RABGEF1: variants seen among roughly 807,000 people sequenced by gnomAD.
RABGEF1 encodes the protein RAB guanine nucleotide exchange factor 1.
RABGEF1 carries 26 observed loss-of-function variants against 57.3 expected under a neutral mutation model. The ratio of observed to expected loss-of-function variants is 0.45; its 90% confidence interval spans 0.33 to 0.63. RABGEF1 has a LOEUF of 0.63. Ranked by LOEUF, RABGEF1 falls within the 20% of genes least tolerant of loss-of-function variation. The probability of loss-of-function intolerance (pLI) is 0.02; values close to 1 mark genes in which losing one functional copy is unlikely to be tolerated. For missense variants in RABGEF1, 464 were observed against 607.6 expected (o/e 0.76, Z 2.48); for synonymous variants, 185 against 210.7 (o/e 0.88, Z 1.06).
intron 2 of RABGEF1, among the ~76,000 whole-genome samples, chr7:66,723,254 C>A (rs1462671758): frequency 6.6e-6 from 1 of 152,122 alleles, no homozygotes; most frequent in Non-Finnish European, 1.5e-5. Context: ...CAGGCATGAG[C>A]CACCACACTG....
At chr7:66,695,938 C>T (rs1584721196) in intron 1 of RABGEF1, among the ~76,000 whole-genome samples, 1 of 149,862 alleles carries the variant, frequency 6.7e-6, no homozygotes, top group African/African-American at 2.5e-5. Flanking sequence ...CGTACTTCAG[C>T]GTGGGTAACA....
At chr7:66,694,348 A>G (rs1791999046) in intron 1 of RABGEF1, among the ~76,000 whole-genome samples, 1 of 152,236 alleles carries the variant, frequency 6.6e-6, no homozygotes, top group African/African-American at 2.4e-5. Context: ...AAGGTTCATT[A>G]CAGGCAGCAG....
At chr7:66,797,013 C>T in intron 5 of RABGEF1, 1 of 374,928 alleles carries the variant, frequency 2.7e-6, no homozygotes, top group Non-Finnish European at 5.1e-6. Context: ...TGAAAATATA[C>T]TCTTGGCCGG....
At chr7:66,733,874 A>T (rs1797628756) in intron 2 of RABGEF1, among the ~76,000 whole-genome samples, 1 of 151,870 alleles carries the variant, frequency 6.6e-6, no homozygotes, top group African/African-American at 2.4e-5. Flanking sequence ...GTGTGGTGGC[A>T]CACCCTTGTA....
intron 2 of RABGEF1, among the ~76,000 whole-genome samples, chr7:66,716,813 C>G (rs1464120590): frequency 6.6e-6 from 1 of 152,164 alleles, no homozygotes; most frequent in Non-Finnish European, 1.5e-5. Context: ...AGGTCTTGCT[C>G]TGTTGCCCGG....
rs760581515 is a variant in RABGEF1 at position 66,775,216 on chromosome 7, T to G, written c.180-11T>G. On this transcript the variant is annotated splice_polypyrimidine_tract_variant and intron_variant, in intron 2 of 8. Coordinates refer to ENST00000284957, the MANE Select transcript of RABGEF1 (RefSeq NM_014504.3). The stretch of plus-strand genomic sequence containing the variant: ...ATATCTAGGTCATTCTAATCCTCTC[T>G]TGAATTGCAGACTCCAGCGGGAGGA... The G allele has an allele frequency of 1.0e-5, 16 of 1,606,696 alleles. No individual in the cohort carries two copies. The highest frequency in any genetic ancestry group is 1.1e-5 in the Non-Finnish European group (13 of 1,177,350).
intron 1 of RABGEF1, among the ~76,000 whole-genome samples, chr7:66,771,295 C>T (rs758401036): frequency 2.6e-5 from 4 of 152,034 alleles, no homozygotes; most frequent in East Asian, 1.9e-4. Context: ...CCCGCCACCA[C>T]GCCTGGCTAA....
chr7:66,791,489 CA>C (rs1227885228), intron 4 of RABGEF1, among the ~76,000 whole-genome samples: 2 of 152,030 alleles, frequency 1.3e-5, no homozygotes, highest in East Asian at 1.9e-4. Flanking sequence ...ATTGGTAATA[CA>C]AAAAAATATG....
intron 1 of RABGEF1, among the ~76,000 whole-genome samples, chr7:66,759,247 G>A (rs567928447): frequency 6.6e-6 from 1 of 152,260 alleles, no homozygotes; most frequent in African/African-American, 2.4e-5. Context: ...TCCTTGCTAT[G>A]GTTTGTTACA....
At chr7:66,685,153 C>CTTTTTTTT (rs545055892) in intron 1 of RABGEF1, among the ~76,000 whole-genome samples, 8 of 101,092 alleles carry the variant, frequency 7.9e-5, no homozygotes, top group African/African-American at 1.1e-4. Flanking sequence ...GGATTATTTG[C>CTTTTTTTT]TTTTTTTTTT....
chr7:66,657,848 AAAGT>A, the RABGEF1 span, among the ~76,000 whole-genome samples: 4 of 152,232 alleles, frequency 2.6e-5, no homozygotes, highest in South Asian at 2.1e-4. Flanking sequence ...ATAAAAAATA[AAAGT>A]AAGAAAGATC....
chr7:66,805,950 GCCC>G (rs1361249464), intron 8 of RABGEF1, among the ~76,000 whole-genome samples: 1 of 149,140 alleles, frequency 6.7e-6, no homozygotes, highest in Non-Finnish European at 1.5e-5. Context: ...TCGCTGTGTT[GCCC>G]AGGCTGGTCT....
chr7:66,737,081 AGAGAGCGAGAGC>A (rs1270734141), upstream of RABGEF1, among the ~76,000 whole-genome samples: 7 of 130,650 alleles, frequency 5.4e-5, no homozygotes, highest in Non-Finnish European at 1.2e-4. Context: ...AGTGAGAGAG[AGAGAGCGAGAGC>A]GAGAGAGAGA....
chr7:66,712,502 A>C (rs1794884189), intron 2 of RABGEF1, among the ~76,000 whole-genome samples: 1 of 151,950 alleles, frequency 6.6e-6, no homozygotes, highest in Non-Finnish European at 1.5e-5. Flanking sequence ...ACTGGCTCTC[A>C]CTTTGTTCCC....
the RABGEF1 span, among the ~76,000 whole-genome samples, chr7:66,672,266 C>CAAA: frequency 9.2e-6 from 1 of 108,330 alleles, no homozygotes. Flanking sequence ...ACTAAAAATA[C>CAAA]AAAAAAAAAA....
intron 2 of RABGEF1, among the ~76,000 whole-genome samples, chr7:66,729,292 TC>T (rs981244458): frequency 3.2e-5 from 3 of 92,592 alleles, no homozygotes; most frequent in Non-Finnish European, 6.8e-5. Context: ...CATCCTCCCC[TC>T]CATCCTCCCC....
intron 1 of RABGEF1, among the ~76,000 whole-genome samples, chr7:66,741,875 C>A (rs1444298174): frequency 6.6e-6 from 1 of 151,816 alleles, no homozygotes; most frequent in Non-Finnish European, 1.5e-5. Context: ...CGGTGGCTCA[C>A]GTCTGTAATC....
intron 1 of RABGEF1, among the ~76,000 whole-genome samples, chr7:66,699,445 C>T (rs547015673): frequency 6.6e-6 from 1 of 152,266 alleles, no homozygotes; most frequent in Non-Finnish European, 1.5e-5. Flanking sequence ...AATCCCAGCA[C>T]TTTGGGAGGT....
intron 3 of RABGEF1, among the ~76,000 whole-genome samples, chr7:66,778,576 C>T (rs1405855162): frequency 2.0e-5 from 3 of 152,138 alleles, no homozygotes; most frequent in African/African-American, 7.2e-5. Context: ...GATCTGAAGA[C>T]GGTGATTCTC....
Sources: allele counts gnomAD v4.1 joint callset (sites outside exome capture counted in the v4.1 genomes callset), GRCh38; gene constraint gnomAD v4.1.1; transcripts MANE v1.5; gene names NCBI Gene and HGNC (gene_info 2026-07-23, HGNC 2026-07-21).